The following PFKP variants were observed in gnomAD, a reference collection of about 807,000 sequenced individuals.
PFKP encodes phosphofructokinase, platelet, also known as ATP-dependent 6-phosphofructokinase, platelet type.
A neutral mutation model predicts 94.3 loss-of-function variants in PFKP; 101 were observed. The observed-to-expected ratio is 1.07, with a 90% confidence interval of 0.91 to 1.26. PFKP has a LOEUF of 1.26. Ranked by LOEUF, PFKP falls within the 50% of genes most tolerant of loss-of-function variation. PFKP has a pLI of 0.00. For synonymous variants in PFKP, 573 were observed against 432.6 expected, an observed-to-expected ratio of 1.32 and a Z score of -4.03; for missense variants, 1,145 against 1,103.3, an observed-to-expected ratio of 1.04 and a Z score of -0.53.
intron 1 of PFKP, among the ~76,000 whole-genome samples, chr10:3,080,823 G>A (rs10903954): frequency 0.12 from 17,687 of 152,224 alleles, 1,300 homozygotes; most frequent in East Asian, 0.32. Flanking sequence ...GGAGTCGGGG[G>A]TAATGTTGGG....
intron 1 of PFKP, among the ~76,000 whole-genome samples, chr10:3,081,781 CA>C (rs1438596984): frequency 2.0e-5 from 3 of 152,174 alleles, no homozygotes; most frequent in Non-Finnish European, 2.9e-5. Context: ...TGTAAATAGA[CA>C]TGATACATTG....
chr10:3,073,060 C>G (rs1832320193), intron 1 of PFKP, among the ~76,000 whole-genome samples: 1 of 151,952 alleles, frequency 6.6e-6, no homozygotes, highest in African/African-American at 2.4e-5. Flanking sequence ...ACCCCCAACT[C>G]CCAGTCCTGT....
At chr10:3,103,735 G>T (rs749232020) in intron 4 of PFKP, 44 bp from the exon 5 acceptor site, 117 of 1,608,358 alleles carry the variant, frequency 7.3e-5, no homozygotes, top group Non-Finnish European at 9.7e-5. Flanking sequence ...CCCCGAACGC[G>T]CCATGGTTAC....
chr10:3,069,631 C>T (rs559325977), intron 1 of PFKP, among the ~76,000 whole-genome samples: 22 of 152,188 alleles, frequency 1.4e-4, no homozygotes, highest in South Asian at 4.2e-4. Context: ...GCTTGTCATC[C>T]CAGTGCTTTG....
chr10:3,101,318 C>A, intron 3 of PFKP, 47 bp from the exon 4 acceptor site: 3 of 1,454,922 alleles, frequency 2.1e-6, no homozygotes, highest in East Asian at 2.5e-5. Context: ...ATCCACCTGG[C>A]GCTCTCTCAG....
rs192388591 is a variant in PFKP, at chr10:3,093,797, C to T, written c.187-5478C>T. 3.6e-3 allele frequency among the ~76,000 whole-genome samples: 552 copies of T among 152,174 alleles called. 13 individuals are homozygous for T. In the East Asian group the frequency reaches 0.071, roughly 20 times the overall value. On this transcript the variant is annotated intron_variant, in intron 2 of 21. Transcript: ENST00000381125. ...CAGCTGGGACTACAGGCTCCCGCCA[C>T]CACACCCGGCTAATTTTTTGTATTT... is the stretch of plus-strand genomic sequence containing the variant.
intron 16 of PFKP, among the ~76,000 whole-genome samples, chr10:3,123,571 C>G (rs913774039): frequency 6.6e-6 from 1 of 152,192 alleles, no homozygotes; most frequent in African/African-American, 2.4e-5. Flanking sequence ...TCCCAGGTCA[C>G]CCACACCGTC....
intron 3 of PFKP, among the ~76,000 whole-genome samples, chr10:3,099,590 C>A (rs1036115660): frequency 6.6e-6 from 1 of 152,230 alleles, no homozygotes; most frequent in East Asian, 1.9e-4. Context: ...CCGCTGAAGA[C>A]GCTCATGGGG....
chr10:3,080,388 G>A (rs1254967512), intron 1 of PFKP, among the ~76,000 whole-genome samples: 1 of 151,988 alleles, frequency 6.6e-6, no homozygotes, highest in African/African-American at 2.4e-5. Flanking sequence ...GTGGTGGCGG[G>A]CGCCTGTAGT....
At chr10:3,136,250 C>A (rs9423494) in intron 21 of PFKP, among the ~76,000 whole-genome samples, 200 bp from the exon 22 acceptor site, 41,860 of 151,912 alleles carry the variant, frequency 0.28, 5,832 homozygotes, top group East Asian at 0.3. Context: ...GGCGACAGAG[C>A]GAGACTCCAC....
At chr10:3,113,757 G>A (rs1046381641) in intron 13 of PFKP, among the ~76,000 whole-genome samples, 1 of 152,142 alleles carries the variant, frequency 6.6e-6, no homozygotes, top group Non-Finnish European at 1.5e-5. Context: ...GGTGCTGGGG[G>A]ATGGCAGTGC....
rs571359135 is a variant in PFKP at position 3,119,331 on chromosome 10, C to T, written c.1530+462C>T. Among the ~76,000 whole-genome samples, 30 of 152,294 alleles carry T rather than the reference C, an allele frequency of 2.0e-4. 1 individual carries two copies. Among genetic ancestry groups the T allele is most frequent in the African/African-American group, 6.3e-4 (26 of 41,556 alleles). Reference sequence around the variant, plus strand: ...TTAGAAAAAGTAAAAACTGGCCGGGCGCGGTGGCTCACGCCTGTAATCTCA... The same window carrying T: ...TTAGAAAAAGTAAAAACTGGCCGGGTGCGGTGGCTCACGCCTGTAATCTCA... On this transcript the variant is annotated intron_variant, in intron 15 of 21. Transcript: ENST00000381125.
rs1832888883 is a variant in PFKP, at chr10:3,079,670, G to GTC, written c.113-2718_113-2717insTC. 9.0e-5 allele frequency among the ~76,000 whole-genome samples: 11 copies of GTC among 121,770 alleles called. 3 individuals carry two copies. The highest frequency in any genetic ancestry group is 6.5e-4 in the Admixed American group (8 of 12,222). 79.9% of individuals were successfully genotyped at this position (121,770 alleles called of 152,430 possible). Reference sequence around the variant, plus strand: ...GTCTTCAGAGAGCGGGGTGGGGGGGGGGGGAAGAGGAGCAGGGGTGAGGGG... The same window carrying GTC: ...GTCTTCAGAGAGCGGGGTGGGGGGGGTCGGGGAAGAGGAGCAGGGGTGAGGGG... On this transcript the variant is annotated intron_variant, in intron 1 of 21. Coordinates refer to ENST00000381125, the MANE Select transcript of PFKP (RefSeq NM_002627.5).
chr10:3,117,983 T>G (rs1240210823), intron 14 of PFKP, among the ~76,000 whole-genome samples: 1 of 152,112 alleles, frequency 6.6e-6, no homozygotes, highest in Non-Finnish European at 1.5e-5. Flanking sequence ...CTTCTTCCAA[T>G]CAACATGAAA....
intron 2 of PFKP, among the ~76,000 whole-genome samples, chr10:3,096,888 C>G (rs1834525879): frequency 2.7e-5 from 2 of 72,936 alleles, no homozygotes; most frequent in South Asian, 8.9e-4. Flanking sequence ...ACCATCCTGG[C>G]TAACACGGTG....
chr10:3,082,522 AC>A, intron 2 of PFKP, 61 bp downstream of exon 2: 1 of 1,256,270 alleles, frequency 8.0e-7, no homozygotes, highest in Non-Finnish European at 1.1e-6. Flanking sequence ...CCCTGCAGTC[AC>A]CGGCGCTCGC....
At chr10:3,108,340 C>G (rs912901347) in intron 8 of PFKP, among the ~76,000 whole-genome samples, 3 of 152,200 alleles carry the variant, frequency 2.0e-5, no homozygotes, top group African/African-American at 7.2e-5. Flanking sequence ...CAAATTAAAG[C>G]TGGTTCAAGG....
chr10:3,116,930 C>G, intron 14 of PFKP, 84 bp downstream of exon 14: 1 of 1,078,294 alleles, frequency 9.3e-7, no homozygotes, highest in Admixed American at 1.7e-5. Flanking sequence ...TGGGTGCCGA[C>G]GCCAGTTGGA....
At chr10:3,120,606 T>C (rs1229747604) in intron 16 of PFKP, among the ~76,000 whole-genome samples, 2 of 152,220 alleles carry the variant, frequency 1.3e-5, no homozygotes, top group African/African-American at 2.4e-5. Flanking sequence ...AGGCAATAAT[T>C]GGTGCTACTT....
Sources: allele counts gnomAD v4.1 joint callset (sites outside exome capture counted in the v4.1 genomes callset), GRCh38; gene constraint gnomAD v4.1.1; transcripts MANE v1.5; gene names NCBI Gene and HGNC (gene_info 2026-07-23, HGNC 2026-07-21).